The following SV2C variants were observed in gnomAD, a reference collection of about 807,000 sequenced individuals.
SV2C encodes the protein solute carrier family 22 member B3.
A neutral mutation model predicts 79.7 loss-of-function variants in SV2C; 49 were observed. The ratio of observed to expected loss-of-function variants is 0.61; its 90% confidence interval spans 0.49 to 0.78. The LOEUF is 0.78. SV2C is among the 30% of genes least tolerant of loss of function. The pLI, the probability that SV2C is intolerant of heterozygous loss-of-function variation, is 0.00. For synonymous variants in SV2C, 334 were observed against 333.2 expected (o/e 1.00, Z -0.03); for missense variants, 833 against 912.9 (o/e 0.91, Z 1.13).
chr5:75,881,519 T>C, the SV2C span, among the ~76,000 whole-genome samples: 1 of 152,086 alleles, frequency 6.6e-6, no homozygotes, highest in Non-Finnish European at 1.5e-5. Context: ...TCACATCCCT[T>C]GTAAGTTGGA....
chr5:76,219,142 A>T (rs1390611139), intron 4 of SV2C, among the ~76,000 whole-genome samples: 1 of 152,192 alleles, frequency 6.6e-6, no homozygotes, highest in Non-Finnish European at 1.5e-5. Context: ...CAGGTGGCCC[A>T]GAGCCCTGTC....
intron 12 of SV2C, among the ~76,000 whole-genome samples, chr5:76,307,826 C>T (rs1015127681): frequency 1.3e-5 from 2 of 152,080 alleles, no homozygotes; most frequent in African/African-American, 2.4e-5. Context: ...TCATATTTTT[C>T]AGTTCTAAAA....
the SV2C span, among the ~76,000 whole-genome samples, chr5:75,853,606 TCAAAAA>T: frequency 2.0e-4 from 2 of 9,764 alleles, no homozygotes; most frequent in African/African-American, 3.8e-4. Flanking sequence ...AGACTCCGTC[TCAAAAA>T]AAAAAAAAAA....
intron 4 of SV2C, among the ~76,000 whole-genome samples, chr5:76,237,969 AACACACACAC>A (rs200837649): frequency 2.2e-5 from 3 of 136,936 alleles, no homozygotes; most frequent in African/African-American, 8.9e-5. Flanking sequence ...CCAGAGGACT[AACACACACAC>A]ACACACACAC....
At chr5:75,987,586 C>G in the SV2C span, among the ~76,000 whole-genome samples, 1 of 151,994 alleles carries the variant, frequency 6.6e-6, no homozygotes, top group Admixed American at 6.6e-5. Context: ...CCTGTTTGTT[C>G]ACTGTAATGT....
chr5:76,291,389 A>G, intron 7 of SV2C, 58 bp downstream of exon 7: 1 of 1,411,492 alleles, frequency 7.1e-7, no homozygotes, highest in Non-Finnish European at 9.7e-7. Flanking sequence ...GAGGTTAGTC[A>G]GAAGAGGGGT....
chr5:76,055,258 C>T, the SV2C span, among the ~76,000 whole-genome samples: 1 of 152,150 alleles, frequency 6.6e-6, no homozygotes, highest in Non-Finnish European at 1.5e-5. Flanking sequence ...AATAGGGAAT[C>T]CTTTCCCCAT....
chr5:76,201,180 G>A (rs1376562538), intron 3 of SV2C, among the ~76,000 whole-genome samples: 1 of 152,190 alleles, frequency 6.6e-6, no homozygotes, highest in African/African-American at 2.4e-5. Flanking sequence ...TTACTCATCT[G>A]TCTATCACTT....
In SV2C at chr5:76,130,145, T is replaced by TAAAAAAA. The variant is rs375351450; in HGVS notation, c.-101-1476_-101-1470dup. Among the ~76,000 whole-genome samples the TAAAAAAA allele has an allele frequency of 2.0e-3, 135 of 67,806 alleles. 3 individuals carry two copies. Among genetic ancestry groups the TAAAAAAA allele is most frequent in the African/African-American group, 3.1e-3 (35 of 11,440 alleles). 44.5% of individuals were successfully genotyped at this position (67,806 alleles called of 152,430 possible). Reference sequence around the variant, plus strand: ...CTCCCTTTCTCTTCCTCTCAGTTCTTAAAAAAAAAAAAAAAAAAAAAAAAA... The same window carrying TAAAAAAA: ...CTCCCTTTCTCTTCCTCTCAGTTCTTAAAAAAAAAAAAAAAAAAAAAAAAAAAAAAAA... On this transcript the variant is annotated intron_variant, in intron 1 of 12. Coordinates refer to ENST00000502798, the MANE Select transcript of SV2C (RefSeq NM_014979.4).
chr5:76,013,248 T>G, the SV2C span, among the ~76,000 whole-genome samples: 3 of 152,198 alleles, frequency 2.0e-5, no homozygotes, highest in African/African-American at 7.2e-5. Flanking sequence ...GCATGGAATG[T>G]TTTTCCATTT....
the SV2C span, among the ~76,000 whole-genome samples, chr5:75,877,410 C>T: frequency 1.3e-5 from 2 of 151,924 alleles, no homozygotes; most frequent in African/African-American, 4.8e-5. Context: ...ACCTGAAGAA[C>T]ATTATAAACC....
intron 2 of SV2C, among the ~76,000 whole-genome samples, chr5:76,144,088 A>G (rs140558544): frequency 8.3e-4 from 127 of 152,314 alleles, no homozygotes; most frequent in African/African-American, 3.0e-3. Context: ...TTACGCAACA[A>G]TGTGAATGTA....
chr5:75,944,422 T>A, the SV2C span, among the ~76,000 whole-genome samples: 1 of 152,124 alleles, frequency 6.6e-6, no homozygotes, highest in Admixed American at 6.6e-5. Context: ...GGGTAAAAAA[T>A]TTTTATTACA....
At chr5:75,998,677 G>T in the SV2C span, among the ~76,000 whole-genome samples, 135 of 146,612 alleles carry the variant, frequency 9.2e-4, no homozygotes, top group Middle Eastern at 3.4e-3. Context: ...TATGTGTGTG[G>T]GTGTGTGTGT....
chr5:75,968,951 G>A, the SV2C span, among the ~76,000 whole-genome samples: 6 of 152,278 alleles, frequency 3.9e-5, no homozygotes, highest in South Asian at 8.3e-4. Flanking sequence ...CACAAAGGGA[G>A]GCCCATCAGA....
At chr5:76,167,022 CA>C (rs1743067043) in intron 2 of SV2C, among the ~76,000 whole-genome samples, 1 of 152,156 alleles carries the variant, frequency 6.6e-6, no homozygotes, top group African/African-American at 2.4e-5. Context: ...TGGTTTGCAT[CA>C]TGGTTGAGCC....
chr5:76,036,953 C>T, the SV2C span, among the ~76,000 whole-genome samples: 13,129 of 152,158 alleles, frequency 0.086, 1,839 homozygotes, highest in African/African-American at 0.29. Flanking sequence ...TCTTTTTATT[C>T]TTTTTCCTCT....
At chr5:76,065,625 G>A in the SV2C span, among the ~76,000 whole-genome samples, 1 of 152,106 alleles carries the variant, frequency 6.6e-6, no homozygotes, top group South Asian at 2.1e-4. Flanking sequence ...TCTATTAGCT[G>A]TAGTATATGT....
chr5:75,849,708 T>G, the SV2C span, among the ~76,000 whole-genome samples: 1 of 152,224 alleles, frequency 6.6e-6, no homozygotes, highest in Non-Finnish European at 1.5e-5. Flanking sequence ...CTTTGAGAGC[T>G]TGTAAAGATG....
Sources: gnomAD v4.1 joint callset for allele counts (sites outside exome capture counted in the v4.1 genomes callset) on GRCh38, gnomAD v4.1.1 for gene constraint, MANE v1.5 for transcripts, NCBI Gene and HGNC (gene_info 2026-07-23, HGNC 2026-07-21) for gene names.